ATP11C: variants seen among roughly 807,000 people sequenced by gnomAD.
ATP11C encodes the protein phospholipid-transporting ATPase IG.
Under a neutral mutation model 97.4 loss-of-function variants are expected in ATP11C, and 36 were observed. The observed-to-expected ratio is 0.37, with a 90% CI of 0.28 to 0.49. The LOEUF (loss-of-function observed/expected upper bound fraction) is 0.49, where lower values mean the gene tolerates loss of function less well. Ranked by LOEUF, ATP11C falls within the 20% of genes least tolerant of loss-of-function variation. ATP11C has a pLI of 0.98. For synonymous variants in ATP11C, 275 were observed against 290.9 expected (o/e 0.95, Z 0.56); for missense variants, 730 against 824.6 (o/e 0.89, Z 1.40).
chrX:139,737,178 T>C (rs1303779830), intron 28 of ATP11C, among the ~76,000 whole-genome samples: 1 of 111,289 alleles, frequency 9.0e-6, no homozygotes, highest in African/African-American at 3.3e-5. Context: ...AATTAGCCTG[T>C]TGGTCAAAAT....
chrX:139,787,025 C>A, intron 15 of ATP11C, 148 bp downstream of exon 15: 1 of 838,578 alleles, frequency 1.2e-6, no homozygotes, highest in South Asian at 2.7e-5. Flanking sequence ...ATGGCTTCTA[C>A]CCCAACTATA....
At chrX:139,742,632 T>G (rs773058586) in intron 26 of ATP11C, among the ~76,000 whole-genome samples, 28 of 109,849 alleles carry the variant, frequency 2.5e-4, no homozygotes, top group Non-Finnish European at 4.9e-4. Flanking sequence ...AAAAATAATT[T>G]GATTATGCTT....
intron 2 of ATP11C, 57 bp from the exon 3 acceptor site, chrX:139,819,484 T>C (rs2083356874): frequency 4.2e-6 from 2 of 478,506 alleles, no homozygotes; most frequent in Non-Finnish European, 6.8e-6. Context: ...AAAATCTTAA[T>C]AGTAATGACT....
intron 1 of ATP11C, among the ~76,000 whole-genome samples, chrX:139,851,087 C>G (rs991272301): frequency 5.4e-5 from 6 of 111,335 alleles, no homozygotes; most frequent in African/African-American, 2.0e-4. Flanking sequence ...GAGGAAGACC[C>G]CAAAGGCATT....
intron 23 of ATP11C, among the ~76,000 whole-genome samples, chrX:139,752,688 AATATACTT>A (rs2081846889): frequency 8.9e-6 from 1 of 112,365 alleles, no homozygotes; most frequent in Non-Finnish European, 1.9e-5. Flanking sequence ...GAGAATTTCA[AATATACTT>A]TTAATACTTG....
intron 5 of ATP11C, among the ~76,000 whole-genome samples, 155 bp from the exon 6 acceptor site, chrX:139,804,754 T>A (rs1222724923): frequency 8.9e-6 from 1 of 112,408 alleles, no homozygotes; most frequent in Non-Finnish European, 1.9e-5. Flanking sequence ...GATGAAAGAA[T>A]ATTACTCAAT....
intron 1 of ATP11C, among the ~76,000 whole-genome samples, chrX:139,909,032 A>G (rs1040092246): frequency 8.9e-6 from 1 of 112,481 alleles, no homozygotes; most frequent in African/African-American, 3.2e-5. Context: ...ATTGCTCTCT[A>G]AAACTGTATG....
At chrX:139,903,345 T>C (rs2084926761) in intron 1 of ATP11C, among the ~76,000 whole-genome samples, 1 of 110,312 alleles carries the variant, frequency 9.1e-6, no homozygotes. Context: ...CCTCCTTTCT[T>C]ATTGTAGGTC....
chrX:139,923,926 G>A (rs1008346107), intron 1 of ATP11C, among the ~76,000 whole-genome samples: 5 of 111,688 alleles, frequency 4.5e-5, no homozygotes, highest in African/African-American at 1.6e-4. Context: ...ACCAATATTT[G>A]TAAATATTGC....
intron 1 of ATP11C, among the ~76,000 whole-genome samples, chrX:139,930,934 A>C (rs761018554): frequency 4.4e-5 from 5 of 112,506 alleles, no homozygotes; most frequent in Non-Finnish European, 9.4e-5. Flanking sequence ...AACCAAATCG[A>C]CATGTTCTCA....
intron 8 of ATP11C, 21 bp from the exon 9 acceptor site, chrX:139,798,764 G>T (rs761149081): frequency 8.5e-7 from 1 of 1,175,639 alleles, no homozygotes; most frequent in Non-Finnish European, 1.2e-6. Context: ...AATGAACACA[G>T]CTTATCCAAA....
intron 1 of ATP11C, among the ~76,000 whole-genome samples, chrX:139,861,068 G>A (rs914289849): frequency 3.0e-4 from 34 of 111,910 alleles, no homozygotes; most frequent in Non-Finnish European, 1.5e-4. Flanking sequence ...AGTAGGAGAG[G>A]AGAAATACAT....
intron 1 of ATP11C, among the ~76,000 whole-genome samples, chrX:139,925,384 C>A (rs2148183117): frequency 9.0e-6 from 1 of 111,649 alleles, no homozygotes; most frequent in South Asian, 3.8e-4. Context: ...CTCCCAGGTT[C>A]AAGTGATTCT....
rs1475821276 is a variant in ATP11C, at chrX:139,843,843, T to C, written c.28-17020A>G. On this transcript the variant is annotated intron_variant, in intron 1 of 29. Transcript: ENST00000682941. ...ATTGTAAATACTGAAAAAAAATTGT[T>C]AGTTGTGTTATATAGCACAATGGAA... is the stretch of plus-strand genomic sequence containing the variant. 2.7e-5 allele frequency among the ~76,000 whole-genome samples: 3 copies of C among 110,309 alleles called. No homozygotes were observed. In the Admixed American group the frequency reaches 2.9e-4, roughly 11 times the overall value.
At chrX:139,733,690 T>A (rs1450529815) in intron 28 of ATP11C, among the ~76,000 whole-genome samples, 2 of 111,594 alleles carry the variant, frequency 1.8e-5, no homozygotes, top group African/African-American at 6.5e-5. Context: ...GCAAAAACCC[T>A]GCGACAAGAT....
intron 1 of ATP11C, among the ~76,000 whole-genome samples, chrX:139,880,989 G>T (rs1420533178): frequency 1.8e-5 from 2 of 111,760 alleles, no homozygotes; most frequent in African/African-American, 6.5e-5. Context: ...GAGTTGGGTT[G>T]CTATGGCCCA....
At chrX:139,812,547 GTT>G (rs368917710) in intron 5 of ATP11C, among the ~76,000 whole-genome samples, 5 of 98,772 alleles carry the variant, frequency 5.1e-5, no homozygotes, top group South Asian at 4.4e-4. Context: ...ACTGTTGTTG[GTT>G]TTTTTTTTTT....
chrX:139,845,895 T>C (rs2083900181), intron 1 of ATP11C, among the ~76,000 whole-genome samples: 1 of 112,225 alleles, frequency 8.9e-6, no homozygotes, highest in Admixed American at 9.5e-5. Context: ...TTGAATAGAT[T>C]TGCTTTGGGA....
intron 2 of ATP11C, among the ~76,000 whole-genome samples, chrX:139,820,681 C>T (rs17282011): frequency 0.11 from 12,080 of 109,276 alleles, 955 homozygotes; most frequent in East Asian, 0.29. Context: ...GAATTGCACA[C>T]GGCCAGAACT....
Sources: gnomAD v4.1 joint callset for allele counts (sites outside exome capture counted in the v4.1 genomes callset) on GRCh38, gnomAD v4.1.1 for gene constraint, MANE v1.5 for transcripts, NCBI Gene and HGNC (gene_info 2026-07-23, HGNC 2026-07-21) for gene names.